The following GRIK1 variants were observed in gnomAD, a reference collection of about 807,000 sequenced individuals.
GRIK1 encodes the protein glutamate ionotropic receptor kainate type subunit 1, also known as glutamate receptor ionotropic, kainate 1.
In GRIK1, 69 loss-of-function variants were observed where a neutral mutation model predicts 105.7. The ratio of observed to expected loss-of-function variants is 0.65; its 90% CI spans 0.54 to 0.80. GRIK1 has a LOEUF of 0.80. Ranked by LOEUF, GRIK1 falls within the 30% of genes least tolerant of loss-of-function variation. The pLI is 0.00. For missense variants in GRIK1, 1,109 were observed against 1,167.3 expected (o/e 0.95, Z 0.73); for synonymous variants, 438 against 431.3 (o/e 1.02, Z -0.19).
intron 12 of GRIK1, among the ~76,000 whole-genome samples, chr21:29,582,069 A>C (rs1471736650): frequency 6.6e-6 from 1 of 152,200 alleles, no homozygotes; most frequent in Non-Finnish European, 1.5e-5. Flanking sequence ...GTAATGCATG[A>C]AAGGGATTGC....
rs557056575 is a variant in GRIK1 at position 29,537,829 on chromosome 21, C to G, written c.2663G>C (p.Gly888Ala). Reference protein sequence around the residue: ...FYFRNKVRFHGRKKQSLGVEK... With the variant: ...FYFRNKVRFHARKKQSLGVEK... The stretch of plus-strand genomic sequence containing the variant: ...TACACCAAGGCTTTGTTTTTTTCTC[C>G]CATGAAACCTTACTTTGTTCCTAAA... The change falls in exon 17 of 18, where the codon GGG (glycine) becomes GCG (alanine). Residue 888 changes from glycine (G) to alanine (A), a missense_variant. Gly to Ala is a moderately conservative substitution (Grantham distance 60). Coordinates refer to ENST00000327783, the MANE Select transcript of GRIK1 (RefSeq NM_001330994.2). The G allele has an allele frequency of 1.0e-5, 16 of 1,529,634 alleles. No homozygotes were observed. In the East Asian group the frequency reaches 3.4e-4, roughly 32 times the overall value. The allele number at this position is 1,529,634 out of a possible 1,614,324, so 94.8% of individuals were successfully genotyped here.
chr21:29,601,416 C>G (rs990369677), intron 7 of GRIK1, among the ~76,000 whole-genome samples: 1 of 152,178 alleles, frequency 6.6e-6, no homozygotes, highest in Non-Finnish European at 1.5e-5. Context: ...TAGTAAACCT[C>G]TTTGTATATA....
intron 1 of GRIK1, among the ~76,000 whole-genome samples, chr21:29,856,177 G>A (rs2068458482): frequency 6.6e-6 from 1 of 152,102 alleles, no homozygotes. Flanking sequence ...GAGTCATTCA[G>A]AGAGACTCTA....
At chr21:29,792,139 G>A (rs562298912) in intron 1 of GRIK1, among the ~76,000 whole-genome samples, 22 of 151,984 alleles carry the variant, frequency 1.4e-4, no homozygotes, top group Non-Finnish European at 2.8e-4. Context: ...TAGTATATAT[G>A]TCTATGTATT....
At position 29,719,468 on chromosome 21, in the gene GRIK1, C is replaced by T. The variant is rs147611041; in HGVS notation, c.119-25405G>A. Among the ~76,000 whole-genome samples, 183 of 152,228 alleles carry T rather than the reference C, an allele frequency of 1.2e-3. 1 individual carries two copies. Among genetic ancestry groups the T allele is most frequent in the African/African-American group, 4.2e-3 (176 of 41,560 alleles). ...GTTCCTTTATCTTCATCAGTTTCTA[C>T]ATTTCTTTGTAAAAAATATAACTCT... is the stretch of plus-strand genomic sequence containing the variant. On this transcript the variant is annotated intron_variant, in intron 1 of 17. Coordinates refer to ENST00000327783, the MANE Select transcript of GRIK1 (RefSeq NM_001330994.2).
intron 1 of GRIK1, among the ~76,000 whole-genome samples, chr21:29,907,246 A>T (rs1325931379): frequency 1.3e-5 from 2 of 152,186 alleles, no homozygotes; most frequent in East Asian, 1.9e-4. Flanking sequence ...GTCCCTAAAA[A>T]TTGCAATGCT....
chr21:29,876,533 A>G (rs1430443309), intron 1 of GRIK1, among the ~76,000 whole-genome samples: 1 of 152,166 alleles, frequency 6.6e-6, no homozygotes, highest in Non-Finnish European at 1.5e-5. Flanking sequence ...TATATTCAGC[A>G]TGCATGATTT....
At chr21:29,827,068 T>C (rs1342869186) in intron 1 of GRIK1, among the ~76,000 whole-genome samples, 1 of 152,102 alleles carries the variant, frequency 6.6e-6, no homozygotes, top group Non-Finnish European at 1.5e-5. Flanking sequence ...AAATCACCCA[T>C]TTTGATAAAC....
At chr21:29,657,249 G>T (rs755205947) in intron 4 of GRIK1, among the ~76,000 whole-genome samples, 106 of 152,256 alleles carry the variant, frequency 7.0e-4, no homozygotes, top group Middle Eastern at 3.4e-3. Flanking sequence ...GAACACAAAG[G>T]CATTTGAGTT....
At chr21:29,773,022 G>A (rs989279638) in intron 1 of GRIK1, among the ~76,000 whole-genome samples, 6 of 152,142 alleles carry the variant, frequency 3.9e-5, no homozygotes, top group African/African-American at 7.2e-5. Context: ...GATGATGGTG[G>A]TGATGTTGAG....
intron 1 of GRIK1, among the ~76,000 whole-genome samples, chr21:29,926,740 CTTTACAA>C (rs2071384819): frequency 6.6e-6 from 1 of 151,996 alleles, no homozygotes; most frequent in Non-Finnish European, 1.5e-5. Context: ...ATTTCTTTCT[CTTTACAA>C]TTTATTTATC....
At chr21:29,802,453 G>T (rs574548895) in intron 1 of GRIK1, among the ~76,000 whole-genome samples, 1 of 151,984 alleles carries the variant, frequency 6.6e-6, no homozygotes, top group Non-Finnish European at 1.5e-5. Context: ...ACACACAGTA[G>T]AATAACTTAT....
At chr21:29,786,103 C>G (rs1403555136) in intron 1 of GRIK1, among the ~76,000 whole-genome samples, 2 of 152,236 alleles carry the variant, frequency 1.3e-5, no homozygotes, top group African/African-American at 4.8e-5. Flanking sequence ...ATTCTCTTGT[C>G]TCAGCCTCCG....
intron 1 of GRIK1, chr21:29,763,917 T>C (rs2065592623): frequency 6.6e-6 from 1 of 151,780 alleles, no homozygotes; most frequent in South Asian, 2.1e-4. Flanking sequence ...GAAAGAGATG[T>C]TCCAAAGCTC....
chr21:29,567,117 G>T (rs954579567), intron 14 of GRIK1, among the ~76,000 whole-genome samples: 11 of 152,172 alleles, frequency 7.2e-5, no homozygotes, highest in African/African-American at 2.7e-4. Flanking sequence ...GTTTTAGGAA[G>T]TGCAACAGTT....
intron 7 of GRIK1, among the ~76,000 whole-genome samples, chr21:29,634,074 T>C (rs796436151): frequency 6.6e-6 from 1 of 152,168 alleles, no homozygotes; most frequent in South Asian, 2.1e-4. Context: ...TTCAATACTG[T>C]AATTTTTTAC....
intron 1 of GRIK1, among the ~76,000 whole-genome samples, chr21:29,694,501 G>A (rs771154599): frequency 6.6e-6 from 1 of 152,046 alleles, no homozygotes; most frequent in East Asian, 1.9e-4. Context: ...CCTAAATCCC[G>A]GGCTAAAAGT....
At chr21:29,908,342 C>T (rs1643073018) in intron 1 of GRIK1, among the ~76,000 whole-genome samples, 1 of 152,070 alleles carries the variant, frequency 6.6e-6, no homozygotes, top group African/African-American at 2.4e-5. Flanking sequence ...TGACCTTTTT[C>T]CCCTTGTTCC....
chr21:29,836,702 A>G (rs1301619030), intron 1 of GRIK1, among the ~76,000 whole-genome samples: 1 of 152,212 alleles, frequency 6.6e-6, no homozygotes, highest in Non-Finnish European at 1.5e-5. Context: ...CACTATCATA[A>G]GCCCACAAAT....
Sources: gnomAD v4.1 joint callset for allele counts (sites outside exome capture counted in the v4.1 genomes callset) on GRCh38, gnomAD v4.1.1 for gene constraint, MANE v1.5 for transcripts, NCBI Gene and HGNC (gene_info 2026-07-23, HGNC 2026-07-21) for gene names.